GABRG1: variants seen among roughly 807,000 people sequenced by gnomAD.
GABRG1 encodes the protein gamma-aminobutyric acid receptor subunit gamma-1.
A neutral mutation model predicts 49.8 loss-of-function variants in GABRG1; 49 were observed. That is an observed-to-expected ratio of 0.98 (90% CI 0.78 to 1.25). The LOEUF (loss-of-function observed/expected upper bound fraction) is 1.25, where lower values mean the gene tolerates loss of function less well. Ranked by LOEUF, GABRG1 falls within the 50% of genes most tolerant of loss-of-function variation. The pLI is 0.00. For synonymous variants in GABRG1, 232 were observed against 185.1 expected (o/e 1.25, Z -2.06); for missense variants, 552 against 552.3 (o/e 1.00, Z 0.01).
In GABRG1 at chr4:46,076,361, TCATATATATATATATATA is replaced by T. The variant is rs1264127101; in HGVS notation, c.321+7607_321+7624del. On this transcript the variant is annotated intron_variant, in intron 3 of 8. Transcript: ENST00000295452. Reference sequence around the variant, plus strand: ...TACCTAAATTTATCTTAGGTCATGTTCATATATATATATATATATATATATATATATATATATATATAT... The same window carrying T: ...TACCTAAATTTATCTTAGGTCATGTTTATATATATATATATATATATATAT... Among the ~76,000 whole-genome samples, 57 of 78,146 alleles carry T rather than the reference TCATATATATATATATATA, an allele frequency of 7.3e-4. 2 individuals are homozygous for T. The highest frequency in any genetic ancestry group is 1.6e-3 in the Admixed American group (11 of 7,082). The allele number at this position is 78,146 out of a possible 152,430, so 51.3% of individuals were successfully genotyped here. A position where few individuals can be genotyped will look rare whatever the true frequency, so the allele number is the denominator to read the frequency against.
intron 3 of GABRG1, among the ~76,000 whole-genome samples, chr4:46,071,754 C>T (rs1055207686): frequency 6.6e-6 from 1 of 151,448 alleles, no homozygotes; most frequent in Admixed American, 6.6e-5. Flanking sequence ...AAAGCAAAAG[C>T]TTACAAAATA....
intron 3 of GABRG1, among the ~76,000 whole-genome samples, chr4:46,066,554 G>A (rs1718928437): frequency 6.6e-6 from 1 of 152,102 alleles, no homozygotes; most frequent in Non-Finnish European, 1.5e-5. Context: ...TGGAAACTGA[G>A]CCACTGCAGG....
intron 1 of GABRG1, among the ~76,000 whole-genome samples, chr4:46,111,211 A>G (rs1332061291): frequency 1.3e-5 from 2 of 151,044 alleles, no homozygotes; most frequent in African/African-American, 2.4e-5. Context: ...ATAATGTTCA[A>G]TCTAGGAGTC....
At chr4:46,117,451 G>C (rs1577673250) in intron 1 of GABRG1, among the ~76,000 whole-genome samples, 1 of 149,666 alleles carries the variant, frequency 6.7e-6, no homozygotes, top group Admixed American at 6.7e-5. Flanking sequence ...TACACAACCA[G>C]AGTAAAGGTT....
At chr4:46,045,435 A>G (rs879707471) in intron 8 of GABRG1, among the ~76,000 whole-genome samples, 2 of 152,032 alleles carry the variant, frequency 1.3e-5, no homozygotes, top group South Asian at 2.1e-4. Context: ...GTAGTTTCCA[A>G]GGAGAAAATA....
At chr4:46,060,454 T>C (rs1718630651) in intron 5 of GABRG1, among the ~76,000 whole-genome samples, 2 of 152,168 alleles carry the variant, frequency 1.3e-5, no homozygotes, top group South Asian at 4.1e-4. Flanking sequence ...CAACTTTACC[T>C]TTCTGGTTTA....
chr4:46,082,484 G>A (rs1338770055), intron 3 of GABRG1, among the ~76,000 whole-genome samples: 1 of 151,626 alleles, frequency 6.6e-6, no homozygotes, highest in African/African-American at 2.4e-5. Flanking sequence ...ATCCCTGCAG[G>A]AACCATATTT....
chr4:46,079,872 G>C (rs766405607), intron 3 of GABRG1, among the ~76,000 whole-genome samples: 2 of 151,694 alleles, frequency 1.3e-5, no homozygotes, highest in Non-Finnish European at 2.9e-5. Context: ...GAAAAGTTAC[G>C]AGGTTATAAC....
At chr4:46,097,448 ATGGC>A in intron 1 of GABRG1, 99 bp from the exon 2 acceptor site, 5 of 1,158,882 alleles carry the variant, frequency 4.3e-6, no homozygotes, top group Admixed American at 5.3e-5. Flanking sequence ...GAAAGTAATA[ATGGC>A]AGACAAAAAG....
chr4:46,072,612 T>A lies in GABRG1; in HGVS notation c.322-7028A>T, dbSNP rs117271244. The stretch of plus-strand genomic sequence containing the variant: ...GCTTCATATTTCTCAATTGAGTGGA[T>A]GTAATATATTAAAAATCCATTACCT... On this transcript the variant is annotated intron_variant, in intron 3 of 8. Coordinates refer to ENST00000295452, the MANE Select transcript of GABRG1 (RefSeq NM_173536.4). Among the ~76,000 whole-genome samples, 8 of 152,200 alleles carry A rather than the reference T, an allele frequency of 5.3e-5. No homozygotes were observed. The East Asian group carries it at 1.4e-3, about 26-fold the overall frequency.
chr4:46,096,353 C>A (rs1720162807), intron 2 of GABRG1, among the ~76,000 whole-genome samples: 1 of 151,436 alleles, frequency 6.6e-6, no homozygotes, highest in South Asian at 2.1e-4. Context: ...AAGACTAAGG[C>A]TATTAAGATA....
chr4:46,052,326 C>T (rs1435594451), intron 7 of GABRG1, among the ~76,000 whole-genome samples: 3 of 151,812 alleles, frequency 2.0e-5, no homozygotes, highest in Non-Finnish European at 4.4e-5. Flanking sequence ...TTCCACCATA[C>T]ATATACAGTC....
In GABRG1 at chr4:46,035,999, T is replaced by C. The variant is rs1717506312; in HGVS notation, c.*4989A>G. The C allele has an allele frequency of 1.3e-5, 2 of 151,958 alleles. No homozygotes were observed. The highest frequency in any genetic ancestry group is 2.9e-5 in the Non-Finnish European group (2 of 67,886). The allele number at this position is 151,958 out of a possible 1,614,324, so 9.4% of individuals were successfully genotyped here. A position where few individuals can be genotyped will look rare whatever the true frequency, so the allele number is the denominator to read the frequency against. On this transcript the variant is annotated 3_prime_UTR_variant, in exon 9 of 9. Coordinates refer to ENST00000295452, the MANE Select transcript of GABRG1 (RefSeq NM_173536.4). Reference sequence around the variant, plus strand: ...ACTTAATAGATGCAAATAATTGTTATTACAGTGAAGGATTGAAAACCAAAC... The same window carrying C: ...ACTTAATAGATGCAAATAATTGTTACTACAGTGAAGGATTGAAAACCAAAC...
intron 1 of GABRG1, among the ~76,000 whole-genome samples, chr4:46,104,863 C>A (rs1166116499): frequency 3.3e-5 from 5 of 151,452 alleles, no homozygotes; most frequent in Non-Finnish European, 7.4e-5. Flanking sequence ...TAGTATTAAT[C>A]TTTTAATGGT....
At chr4:46,059,584 T>C (rs1718593447) in intron 5 of GABRG1, among the ~76,000 whole-genome samples, 1 of 151,918 alleles carries the variant, frequency 6.6e-6, no homozygotes, top group African/African-American at 2.4e-5. Flanking sequence ...TCTTTTTATT[T>C]TTATCTTTAT....
chr4:46,100,851 A>G (rs1720356860), intron 1 of GABRG1, among the ~76,000 whole-genome samples: 1 of 151,272 alleles, frequency 6.6e-6, no homozygotes, highest in Non-Finnish European at 1.5e-5. Flanking sequence ...CAAAAATACT[A>G]TAAAGTTATC....
At chr4:46,122,566 A>C (rs1251837673) in intron 1 of GABRG1, among the ~76,000 whole-genome samples, 3 of 152,090 alleles carry the variant, frequency 2.0e-5, no homozygotes, top group African/African-American at 7.2e-5. Context: ...TCAGTCCTAC[A>C]AAAGCACTAA....
In GABRG1 at chr4:46,035,809, TA is replaced by T. The variant is rs1490830338; in HGVS notation, c.*5178del. On this transcript the variant is annotated 3_prime_UTR_variant, in exon 9 of 9. Coordinates refer to ENST00000295452, the MANE Select transcript of GABRG1 (RefSeq NM_173536.4). ...CTCTTTATTTATAACAAGTTACTGG[TA>T]TTTTTTTTGTTCTAAGGATCATGAG... 1 of 151,994 alleles carries T rather than the reference TA, an allele frequency of 6.6e-6. No homozygotes were observed. The highest frequency in any genetic ancestry group is 1.5e-5 in the Non-Finnish European group (1 of 67,896). 9.4% of individuals were successfully genotyped at this position (151,994 alleles called of 1,614,324 possible).
chr4:46,051,767 T>C, intron 7 of GABRG1, 129 bp from the exon 8 acceptor site: 1 of 570,496 alleles, frequency 1.8e-6, no homozygotes, highest in Non-Finnish European at 3.1e-6. Flanking sequence ...TAATTTATAT[T>C]AATAATTATT....
Sources: gnomAD v4.1 joint callset for allele counts (sites outside exome capture counted in the v4.1 genomes callset) on GRCh38, gnomAD v4.1.1 for gene constraint, MANE v1.5 for transcripts, NCBI Gene and HGNC (gene_info 2026-07-23, HGNC 2026-07-21) for gene names.